TBPL1: variants seen among roughly 807,000 people sequenced by gnomAD.
TBPL1 encodes the protein TATA-box binding protein like 1.
In TBPL1, 4 loss-of-function variants were observed where a neutral mutation model predicts 22.1. The observed-to-expected ratio is 0.18, with a 90% CI of 0.09 to 0.41. The LOEUF is 0.41. Among genes scored for constraint, TBPL1 ranks in the 10% least tolerant of loss-of-function variants. The pLI, the probability that TBPL1 is intolerant of heterozygous loss-of-function variation, is 1.00. For synonymous variants in TBPL1, 64 were observed against 71.0 expected (o/e 0.90, Z 0.50); for missense variants, 115 against 222.3 (o/e 0.52, Z 3.07).
chr6:133,980,254 T>A lies in TBPL1; in HGVS notation c.129T>A (p.Asp43Glu). 6.2e-7 allele frequency: 1 copy of A among 1,604,718 alleles called. No homozygotes were observed. Among genetic ancestry groups the A allele is most frequent in the East Asian group, 2.2e-5 (1 of 44,596 alleles). ...LEGANVIYKRDVGKVLMKLRK... is the reference protein window; with the variant it reads ...LEGANVIYKREVGKVLMKLRK... The stretch of plus-strand genomic sequence containing the variant: ...GAGCAAATGTAATTTATAAACGTGA[T>A]GTTGGAGTAAGTATCTGAGTTTTCG... The change falls in exon 2 of 7, where the codon GAT becomes GAA. Residue 43 changes from aspartate to glutamate, a missense_variant. By Grantham distance (45) the Asp-to-Glu change is conservative. Coordinates refer to ENST00000237264, the MANE Select transcript of TBPL1 (RefSeq NM_004865.4).
At chr6:133,966,690 G>C (rs1176162737) in intron 1 of TBPL1, among the ~76,000 whole-genome samples, 1 of 152,114 alleles carries the variant, frequency 6.6e-6, no homozygotes, top group Admixed American at 6.5e-5. Context: ...TTAGTAAATA[G>C]TATCTTAGGC....
chr6:133,984,788 G>A, intron 6 of TBPL1, 117 bp downstream of exon 6: 1 of 831,992 alleles, frequency 1.2e-6, no homozygotes, highest in Non-Finnish European at 1.9e-6. Context: ...GCCCTTTAGA[G>A]GAACCAGTCT....
intron 1 of TBPL1, among the ~76,000 whole-genome samples, chr6:133,960,396 A>G (rs574793107): frequency 6.6e-6 from 1 of 150,768 alleles, no homozygotes; most frequent in Admixed American, 6.6e-5. Context: ...AGTATAGCAG[A>G]GAAAGCCTTT....
chr6:133,977,817 A>C (rs1325390277), intron 1 of TBPL1, among the ~76,000 whole-genome samples: 1 of 152,194 alleles, frequency 6.6e-6, no homozygotes, highest in Admixed American at 6.5e-5. Context: ...TACCATCCTC[A>C]TCCTCATTGT....
intron 1 of TBPL1, among the ~76,000 whole-genome samples, chr6:133,971,786 T>C (rs1776227082): frequency 6.6e-6 from 1 of 152,196 alleles, no homozygotes; most frequent in South Asian, 2.1e-4. Flanking sequence ...AGATTATTTC[T>C]TTTGCTGAGT....
intron 1 of TBPL1, among the ~76,000 whole-genome samples, chr6:133,968,112 C>G (rs1197961562): frequency 2.0e-5 from 3 of 151,878 alleles, no homozygotes; most frequent in Non-Finnish European, 1.5e-5. Context: ...TCAGCCTCCC[C>G]CAAGTAGCTG....
chr6:133,968,209 G>A (rs753349118), intron 1 of TBPL1, among the ~76,000 whole-genome samples: 3 of 151,892 alleles, frequency 2.0e-5, no homozygotes, highest in Non-Finnish European at 4.4e-5. Context: ...GGATGATCTC[G>A]ATCTCTTGAC....
chr6:133,977,279 CA>C lies in TBPL1; in HGVS notation c.-44-2802del, dbSNP rs150499496. On this transcript the variant is annotated intron_variant, in intron 1 of 6. Transcript: ENST00000237264. ...TTCTGAGCCTGCTTTTCAGGTTACT[CA>C]TATTATAAAAATATGAATACTTAGT... Among the ~76,000 whole-genome samples, 329 of 152,246 alleles carry C rather than the reference CA, an allele frequency of 2.2e-3. 9 individuals carry two copies. In the East Asian group the frequency reaches 0.047, roughly 22 times the overall value.
At chr6:133,960,744 T>G (rs1303434970) in intron 1 of TBPL1, among the ~76,000 whole-genome samples, 1 of 152,214 alleles carries the variant, frequency 6.6e-6, no homozygotes, top group African/African-American at 2.4e-5. Flanking sequence ...GTTGATATCT[T>G]GGAAGTGACT....
chr6:133,984,144 C>T (rs1776466101), intron 4 of TBPL1, among the ~76,000 whole-genome samples: 1 of 152,126 alleles, frequency 6.6e-6, no homozygotes, highest in Non-Finnish European at 1.5e-5. Context: ...AAGACCCATA[C>T]TGTTTTGATC....
At chr6:133,984,228 A>T (rs935321460) in intron 4 of TBPL1, 148 bp from the exon 5 acceptor site, 1 of 555,734 alleles carries the variant, frequency 1.8e-6, no homozygotes, top group Non-Finnish European at 3.1e-6. Flanking sequence ...AAAGCTTTCC[A>T]TGCTACACAA....
At chr6:133,974,412 C>T (rs1210950547) in intron 1 of TBPL1, among the ~76,000 whole-genome samples, 1 of 152,218 alleles carries the variant, frequency 6.6e-6, no homozygotes, top group Non-Finnish European at 1.5e-5. Context: ...CAGCTCACTG[C>T]AACCTCCGCC....
intron 6 of TBPL1, among the ~76,000 whole-genome samples, chr6:133,986,529 C>G (rs1191887063): frequency 1.3e-5 from 2 of 152,126 alleles, no homozygotes; most frequent in Non-Finnish European, 2.9e-5. Flanking sequence ...GGTTTCCCAA[C>G]ATTTTGGTAG....
intron 1 of TBPL1, among the ~76,000 whole-genome samples, chr6:133,959,259 C>T (rs541368849): frequency 3.3e-5 from 5 of 152,092 alleles, no homozygotes; most frequent in African/African-American, 4.8e-5. Flanking sequence ...AGGCTAGCCT[C>T]GAACTTCTGA....
intron 1 of TBPL1, among the ~76,000 whole-genome samples, chr6:133,979,378 G>T (rs1385496750): frequency 6.6e-6 from 1 of 152,170 alleles, no homozygotes; most frequent in Non-Finnish European, 1.5e-5. Flanking sequence ...CAAGTTGCAT[G>T]AGAAGGGTTA....
rs996306307 is a variant in TBPL1, at chr6:133,988,091, A to G, written c.*1051A>G. 18 of 152,220 alleles carry G rather than the reference A, an allele frequency of 1.2e-4. No homozygotes were observed. The highest frequency in any genetic ancestry group is 1.2e-3 in the Admixed American group (18 of 15,270). 9.4% of individuals were successfully genotyped at this position (152,220 alleles called of 1,614,324 possible). A position where few individuals can be genotyped will look rare whatever the true frequency, so the allele number is the denominator to read the frequency against. ...GGAGATGTTTTAACAAGAAGTGCCC[A>G]TAAGCTGCCTCTGTGCCACAGTGTA... On this transcript the variant is annotated 3_prime_UTR_variant, in exon 7 of 7. Coordinates refer to ENST00000237264, the MANE Select transcript of TBPL1 (RefSeq NM_004865.4).
chr6:133,970,841 G>A lies in TBPL1; in HGVS notation c.-44-9241G>A, dbSNP rs539321481. Among the ~76,000 whole-genome samples, 200 of 152,132 alleles carry A rather than the reference G, an allele frequency of 1.3e-3. 1 individual carries two copies. Among genetic ancestry groups the A allele is most frequent in the African/African-American group, 4.5e-3 (188 of 41,500 alleles). ...GTTTTTTATTTTTTAATTGACACAT[G>A]ATTGTACATATTATACATATTTATG... On this transcript the variant is annotated intron_variant, in intron 1 of 6. Coordinates refer to ENST00000237264, the MANE Select transcript of TBPL1 (RefSeq NM_004865.4).
chr6:133,962,376 C>T (rs943540776), intron 1 of TBPL1, among the ~76,000 whole-genome samples: 6 of 152,132 alleles, frequency 3.9e-5, no homozygotes, highest in Non-Finnish European at 5.9e-5. Flanking sequence ...GACATGTGAG[C>T]TGGCCTAAAA....
At chr6:133,952,360 C>A (rs935027129), upstream of TBPL1, 2 of 152,628 alleles carry the variant, frequency 1.3e-5, no homozygotes, top group African/African-American at 4.8e-5. The surrounding 1 kb of genome is among the most constrained non-coding windows in gnomAD (Gnocchi z 4.5). Context: ...TCCTCCTATC[C>A]CGGGCTGCCT....
Sources: allele counts gnomAD v4.1 joint callset (sites outside exome capture counted in the v4.1 genomes callset), GRCh38; gene constraint gnomAD v4.1.1; non-coding constraint Gnocchi (gnomAD v3.1); transcripts MANE v1.5; gene names NCBI Gene and HGNC (gene_info 2026-07-23, HGNC 2026-07-21).